Variants in FBLIM1 observed in about 807,000 individuals in gnomAD.
The protein encoded by FBLIM1 is filamin binding LIM protein 1.
In FBLIM1, 29 loss-of-function variants were observed where a neutral mutation model predicts 37.4. The observed-to-expected ratio is 0.77, with a 90% CI of 0.58 to 1.06. The LOEUF (loss-of-function observed/expected upper bound fraction) is 1.06, where lower values mean the gene tolerates loss of function less well. Ranked by LOEUF, FBLIM1 falls within the 50% of genes least tolerant of loss-of-function variation. The pLI, the probability that FBLIM1 is intolerant of heterozygous loss-of-function variation, is 0.00. For synonymous variants in FBLIM1, 193 were observed against 199.0 expected (o/e 0.97, Z 0.25); for missense variants, 449 against 505.6 (o/e 0.89, Z 1.07).
intron 1 of FBLIM1, among the ~76,000 whole-genome samples, chr1:15,763,674 C>T (rs1434640578): frequency 2.0e-5 from 3 of 151,902 alleles, no homozygotes; most frequent in Non-Finnish European, 4.4e-5. Flanking sequence ...GAGTCTCGCT[C>T]TGTTGCCCAG....
At chr1:15,756,979 C>T (rs1040411643), upstream of FBLIM1, among the ~76,000 whole-genome samples, 5 of 152,208 alleles carry the variant, frequency 3.3e-5, no homozygotes, top group Non-Finnish European at 7.3e-5. Context: ...AGGGGTTCTA[C>T]AGCCAAAAGC....
At position 15,786,351 on chromosome 1, in the gene FBLIM1, G is replaced by C. The variant is rs151169017; in HGVS notation, c.*1690G>C. Reference sequence around the variant, plus strand: ...CAGGGGCTTCGGCCCAGACCACAGCGTCTTGCCCTGAGCCTAGAGCAGGGA... The same window carrying C: ...CAGGGGCTTCGGCCCAGACCACAGCCTCTTGCCCTGAGCCTAGAGCAGGGA... On this transcript the variant is annotated 3_prime_UTR_variant, in exon 9 of 9. Transcript: ENST00000375766. 25 of 152,198 alleles carry C rather than the reference G, an allele frequency of 1.6e-4. No individual in the cohort carries two copies. The highest frequency in any genetic ancestry group is 6.0e-4 in the African/African-American group (25 of 41,438). The allele number at this position is 152,198 out of a possible 1,614,324, so 9.4% of individuals were successfully genotyped here. A position where few individuals can be genotyped will look rare whatever the true frequency, so the allele number is the denominator to read the frequency against.
intron 8 of FBLIM1, 52 bp downstream of exon 8, chr1:15,777,339 C>T: frequency 2.1e-6 from 3 of 1,409,584 alleles, no homozygotes; most frequent in Non-Finnish European, 3.0e-6. Context: ...GTGCCAGGCC[C>T]TTAGCTGGGT....
chr1:15,772,476 G>A (rs986642891), intron 6 of FBLIM1, among the ~76,000 whole-genome samples: 31 of 152,084 alleles, frequency 2.0e-4, no homozygotes, highest in Admixed American at 1.3e-3. Context: ...GGGGGGAGTG[G>A]GAGATGCCCC....
Position 15,777,229 on chromosome 1 carries a change from A to T in FBLIM1, c.950A>T (p.Asp317Val). 1 of 1,613,496 alleles carries T rather than the reference A, an allele frequency of 6.2e-7. No homozygotes were observed. The highest frequency in any genetic ancestry group is 8.5e-7 in the Non-Finnish European group (1 of 1,179,554). ...ENPIIPRDGK[D>V]AFKIECMGRN... ...CCCATCATCCCTCGGGATGGGAAAGATGCCTTCAAAATCGAATGCATGGGA... is the reference window on the plus strand; with the variant it reads ...CCCATCATCCCTCGGGATGGGAAAGTTGCCTTCAAAATCGAATGCATGGGA... Residue 317 changes from aspartate (D) to valine (V), a missense_variant, in exon 8 of 9, where the codon GAT (aspartate) becomes GTT (valine). By Grantham distance (152) the Asp-to-Val change is radical. Coordinates refer to ENST00000375766, the MANE Select transcript of FBLIM1 (RefSeq NM_017556.4).
chr1:15,772,058 G>A (rs1310697430), intron 6 of FBLIM1, among the ~76,000 whole-genome samples: 1 of 152,166 alleles, frequency 6.6e-6, no homozygotes, highest in Non-Finnish European at 1.5e-5. Flanking sequence ...CATGTTGAGT[G>A]TGGTGACCAC....
At chr1:15,783,118 T>C (rs2148663754) in intron 8 of FBLIM1, among the ~76,000 whole-genome samples, 1 of 152,080 alleles carries the variant, frequency 6.6e-6, no homozygotes, top group East Asian at 1.9e-4. Flanking sequence ...TTTTGTGGGA[T>C]CAGTGCAGCT....
At chr1:15,761,137 G>A (rs1362526585) in intron 1 of FBLIM1, among the ~76,000 whole-genome samples, 1 of 152,184 alleles carries the variant, frequency 6.6e-6, no homozygotes, top group East Asian at 1.9e-4. Context: ...GTGGGAGGAG[G>A]CAGAGGGCCA....
chr1:15,766,331 C>G (rs1401579251), intron 3 of FBLIM1, among the ~76,000 whole-genome samples: 1 of 152,076 alleles, frequency 6.6e-6, no homozygotes, highest in African/African-American at 2.4e-5. Flanking sequence ...AAGTCTCGCT[C>G]TGTCACCCAA....
chr1:15,765,050 G>A lies in FBLIM1; in HGVS notation c.67G>A (p.Asp23Asn), dbSNP rs1272977874. 17 of 1,613,996 alleles carry A rather than the reference G, an allele frequency of 1.1e-5. No individual in the cohort carries two copies. The South Asian group carries it at 1.3e-4, about 13-fold the overall frequency. ...VFITLAPPRR[D>N]VAVAEEVRQA... The stretch of plus-strand genomic sequence containing the variant: ...TATCACCCTGGCACCCCCGCGCCGC[G>A]ATGTGGCCGTGGCGGAGGAAGTGAG... The change falls in exon 3 of 9, where the codon GAT (aspartate) becomes AAT (asparagine). Residue 23 changes from aspartate to asparagine, a missense_variant. Transcript: ENST00000375766. This position sits in a 1 kb window ranked among gnomAD's most constrained non-coding sequence, Gnocchi z 5.9.
Position 15,777,177 on chromosome 1 carries a change from GCC to G in FBLIM1, c.902_903del (p.Pro301ArgfsTer6), listed in dbSNP as rs904186079. The G allele has an allele frequency of 6.3e-7, 1 of 1,598,186 alleles. No homozygotes were observed. Among genetic ancestry groups the G allele is most frequent in the Admixed American group, 1.7e-5 (1 of 58,924 alleles). ...YCLDDFYRKF[A>X]PVCSICENPI... is the part of the protein sequence containing the mutation. ...GGGTTCCTTTGCTTCTAGGAAATTC[GCC>G]CCCGTCTGCAGCATCTGTGAAAATC... On this transcript the variant is annotated frameshift_variant, in exon 8 of 9. Transcript: ENST00000375766. LOFTEE classifies it high-confidence loss of function.
rs540549843 is a variant in FBLIM1 at position 15,765,392 on chromosome 1, G to T, written c.250+159G>T. On this transcript the variant is annotated intron_variant, in intron 3 of 8. Transcript: ENST00000375766. The surrounding 1 kb of genome is among the most constrained non-coding windows in gnomAD (Gnocchi z 5.9). ...GTGCCCCTTCTGGGTGGGCAAGGGA[G>T]CCCGGGAAATAGAGGCTAGATGTCA... Among the ~76,000 whole-genome samples, 3 of 152,282 alleles carry T rather than the reference G, an allele frequency of 2.0e-5. No homozygotes were observed. Among genetic ancestry groups the T allele is most frequent in the Non-Finnish European group, 4.4e-5 (3 of 68,026 alleles).
chr1:15,781,028 T>C (rs2069621377), intron 8 of FBLIM1, among the ~76,000 whole-genome samples: 1 of 151,514 alleles, frequency 6.6e-6, no homozygotes, highest in South Asian at 2.1e-4. Flanking sequence ...TTGGCCGAGG[T>C]GGTGTAGTAA....
chr1:15,782,657 A>G (rs79778932), intron 8 of FBLIM1, among the ~76,000 whole-genome samples: 3,089 of 152,100 alleles, frequency 0.02, 77 homozygotes, highest in African/African-American at 0.063. Flanking sequence ...TGTATAGCCC[A>G]TGGTCTACTT....
At chr1:15,772,414 G>A (rs1239345626) in intron 6 of FBLIM1, among the ~76,000 whole-genome samples, 1 of 152,164 alleles carries the variant, frequency 6.6e-6, no homozygotes, top group African/African-American at 2.4e-5. Context: ...GCAGCCAGGA[G>A]GAAGACTTGA....
At chr1:15,777,043 C>T (rs1323506620) in intron 7 of FBLIM1, 127 bp from the exon 8 acceptor site, 10 of 701,794 alleles carry the variant, frequency 1.4e-5, no homozygotes, top group African/African-American at 3.6e-5. Context: ...GACATCTCTG[C>T]AGTCCCATAG....
intron 1 of FBLIM1, among the ~76,000 whole-genome samples, chr1:15,761,583 T>C (rs2068675076): frequency 6.6e-6 from 1 of 152,222 alleles, no homozygotes; most frequent in Admixed American, 6.5e-5. Flanking sequence ...TATAACAAAG[T>C]GTAAAACTAA....
At chr1:15,781,723 T>G (rs939051888) in intron 8 of FBLIM1, among the ~76,000 whole-genome samples, 9 of 146,250 alleles carry the variant, frequency 6.2e-5, no homozygotes, top group African/African-American at 1.7e-4. Context: ...GTATTGTTTT[T>G]TTTTTTTTTT....
At chr1:15,783,220 C>T (rs967123466) in intron 8 of FBLIM1, among the ~76,000 whole-genome samples, 1 of 152,182 alleles carries the variant, frequency 6.6e-6, no homozygotes, top group South Asian at 2.1e-4. Flanking sequence ...TGGGGCAGAA[C>T]AGTGACGTTG....
Sources: allele counts gnomAD v4.1 joint callset (sites outside exome capture counted in the v4.1 genomes callset), GRCh38; gene constraint gnomAD v4.1.1; non-coding constraint Gnocchi (gnomAD v3.1); transcripts MANE v1.5; gene names NCBI Gene and HGNC (gene_info 2026-07-23, HGNC 2026-07-21).